Variants in NR2C1 observed in about 807,000 individuals in gnomAD.
The protein encoded by NR2C1 is TR2 nuclear hormone receptor.
A neutral mutation model predicts 74.8 loss-of-function variants in NR2C1; 33 were observed. The observed-to-expected ratio is 0.44, with a 90% CI of 0.33 to 0.59. NR2C1 has a LOEUF of 0.59. NR2C1 is among the 20% of genes least tolerant of loss of function. The probability of loss-of-function intolerance (pLI) is 0.02; values close to 1 mark genes in which losing one functional copy is unlikely to be tolerated. For missense variants in NR2C1, 568 were observed against 715.6 expected (o/e 0.79, Z 2.35); for synonymous variants, 225 against 240.6 (o/e 0.94, Z 0.60).
At chr12:95,072,943 G>T (rs1322723572) in intron 1 of NR2C1, 2 of 152,226 alleles carry the variant, frequency 1.3e-5, no homozygotes, top group African/African-American at 4.8e-5. Flanking sequence ...GCCGAGGGTC[G>T]GCCTCTCCCA....
intron 1 of NR2C1, chr12:95,072,978 C>T (rs566067544): frequency 6.6e-6 from 1 of 152,402 alleles, no homozygotes; most frequent in East Asian, 1.9e-4. Flanking sequence ...CGGCGTTAGC[C>T]GTGCGCCCTG....
intron 4 of NR2C1, 65 bp from the exon 5 acceptor site, chr12:95,058,554 C>T: frequency 7.8e-7 from 1 of 1,276,654 alleles, no homozygotes; most frequent in East Asian, 2.3e-5. Context: ...TGACATAAGC[C>T]AATTTCTTCC....
At position 95,072,359 on chromosome 12, in the gene NR2C1, C is replaced by T. The variant is rs554262732; in HGVS notation, c.-8+1021G>A. Among the ~76,000 whole-genome samples, 263 of 148,022 alleles carry T rather than the reference C, an allele frequency of 1.8e-3. 1 individual carries two copies. The highest frequency in any genetic ancestry group is 3.0e-3 in the Non-Finnish European group (201 of 67,592). ...ATCCCAGCTACTCGGGAGGCTGAGA[C>T]AGGAGAATCGCTTGAACCTGGAGGC... is the stretch of plus-strand genomic sequence containing the variant. On this transcript the variant is annotated intron_variant, in intron 1 of 13. Transcript: ENST00000333003.
chr12:95,058,805 T>A (rs1376508028), intron 4 of NR2C1, among the ~76,000 whole-genome samples: 1 of 152,106 alleles, frequency 6.6e-6, no homozygotes, highest in Non-Finnish European at 1.5e-5. Flanking sequence ...TATTATTATT[T>A]TTTTTTGTAG....
At chr12:95,053,568 T>C (rs1873348250) in intron 7 of NR2C1, among the ~76,000 whole-genome samples, 1 of 151,984 alleles carries the variant, frequency 6.6e-6, no homozygotes, top group Admixed American at 6.6e-5. Flanking sequence ...TGTAAATCCT[T>C]TCCCATCCTA....
intron 9 of NR2C1, among the ~76,000 whole-genome samples, chr12:95,040,835 A>G (rs997838379): frequency 6.6e-6 from 1 of 152,172 alleles, no homozygotes; most frequent in Non-Finnish European, 1.5e-5. Context: ...ACAAATATCA[A>G]CGATGATATT....
In NR2C1 at chr12:95,020,491, A is replaced by G. The variant is rs1256767835; in HGVS notation, c.*1738T>C. ...TATTATACTAAATGTAATTTAGCTG[A>G]TAATTATAAATAAAATTGTTGACTA... On this transcript the variant is annotated 3_prime_UTR_variant, in exon 14 of 14. Coordinates refer to ENST00000333003, the MANE Select transcript of NR2C1 (RefSeq NM_003297.4). 6.6e-6 allele frequency: 1 copy of G among 152,200 alleles called. No individual in the cohort carries two copies. Among genetic ancestry groups the G allele is most frequent in the Non-Finnish European group, 1.5e-5 (1 of 68,028 alleles). The allele number at this position is 152,200 out of a possible 1,614,324, so 9.4% of individuals were successfully genotyped here.
At chr12:95,061,207 A>G (rs1268479330) in intron 3 of NR2C1, among the ~76,000 whole-genome samples, 2 of 152,246 alleles carry the variant, frequency 1.3e-5, no homozygotes, top group African/African-American at 2.4e-5. Flanking sequence ...CTCAGGAGAC[A>G]TGTCAACTCA....
At chr12:95,043,395 AG>A (rs1802031719) in intron 9 of NR2C1, among the ~76,000 whole-genome samples, 1 of 152,152 alleles carries the variant, frequency 6.6e-6, no homozygotes, top group African/African-American at 2.4e-5. Flanking sequence ...ACAACAAAAA[AG>A]TCCTTTGTAA....
chr12:95,022,064 C>G lies in NR2C1; in HGVS notation c.*165G>C, dbSNP rs1868830844. 2 of 493,740 alleles carry G rather than the reference C, an allele frequency of 4.1e-6. No individual in the cohort carries two copies. The highest frequency in any genetic ancestry group is 4.0e-5 in the Admixed American group (1 of 25,096). 30.6% of individuals were successfully genotyped at this position (493,740 alleles called of 1,614,324 possible). On this transcript the variant is annotated 3_prime_UTR_variant, in exon 14 of 14. Coordinates refer to ENST00000333003, the MANE Select transcript of NR2C1 (RefSeq NM_003297.4). ...AATTCATTTAATTTCTGCTGCCTGC[C>G]CAGTCACTTCAAAAATTCTTAAGGG...
chr12:95,046,315 G>C (rs1021150677), intron 9 of NR2C1, among the ~76,000 whole-genome samples: 42 of 152,258 alleles, frequency 2.8e-4, no homozygotes, highest in African/African-American at 9.4e-4. Context: ...ACCAGGTATG[G>C]TGGGTTACAC....
At chr12:95,065,848 G>A (rs865937362) in intron 2 of NR2C1, among the ~76,000 whole-genome samples, 2 of 151,746 alleles carry the variant, frequency 1.3e-5, no homozygotes, top group Non-Finnish European at 2.9e-5. Context: ...TACTCAGGAG[G>A]CTGAGGCAGG....
chr12:95,025,368 T>G, intron 12 of NR2C1, 113 bp from the exon 13 acceptor site: 1 of 603,730 alleles, frequency 1.7e-6, no homozygotes, highest in Non-Finnish European at 2.8e-6. Context: ...TCATAAAATG[T>G]GTGGCTCAGG....
At chr12:95,030,304 G>C in intron 11 of NR2C1, 1 of 440,430 alleles carries the variant, frequency 2.3e-6, no homozygotes, top group East Asian at 5.3e-5. Flanking sequence ...ATATTGGTTG[G>C]GAAAAAATGA....
rs780473863 is a variant in NR2C1, at chr12:95,051,812, A to G, written c.915T>C (p.Asp305=). Residue 305 remains aspartate (D), a synonymous_variant, in exon 8 of 14, where the codon GAT becomes GAC. Coordinates refer to ENST00000333003, the MANE Select transcript of NR2C1 (RefSeq NM_003297.4). ...TTTCTTGAAATTCACACAAAGAGGT[A>G]TCATCATTGCTTAAGCTTTCAATCA... The part of the protein sequence containing the change: ...MSMIESLSND[D]TSLCEFQEMQ... 3.1e-6 allele frequency: 5 copies of G among 1,608,842 alleles called. No individual in the cohort carries two copies. Among genetic ancestry groups the G allele is most frequent in the Non-Finnish European group, 4.2e-6 (5 of 1,178,948 alleles).
At chr12:95,026,194 G>A (rs1044827592) in intron 12 of NR2C1, among the ~76,000 whole-genome samples, 5 of 149,002 alleles carry the variant, frequency 3.4e-5, no homozygotes, top group East Asian at 2.0e-4. Flanking sequence ...GCAACAGAGT[G>A]AGACTCCGTC....
chr12:95,022,204 G>A lies in NR2C1; in HGVS notation c.*25C>T. 1.9e-6 allele frequency: 3 copies of A among 1,574,812 alleles called. No individual in the cohort carries two copies. The highest frequency in any genetic ancestry group is 1.7e-6 in the Non-Finnish European group (2 of 1,164,384). ...TTGTGTTCTGGCAAAGAACAGTTAA[G>A]TTTACAGCACTGCAGTCACAGTTTT... On this transcript the variant is annotated 3_prime_UTR_variant, in exon 14 of 14. Transcript: ENST00000333003.
chr12:95,042,157 G>A (rs1222810589), intron 9 of NR2C1, among the ~76,000 whole-genome samples: 1 of 151,498 alleles, frequency 6.6e-6, no homozygotes, highest in Admixed American at 6.6e-5. Flanking sequence ...GTAGGTAGAT[G>A]TGTCCATATG....
Position 95,069,818 on chromosome 12 carries a change from C to CA in NR2C1, c.-7-2428dup, listed in dbSNP as rs1876319696. On this transcript the variant is annotated intron_variant, in intron 1 of 13. Coordinates refer to ENST00000333003, the MANE Select transcript of NR2C1 (RefSeq NM_003297.4). ...TGCATCCATCCATCCATCCAACACTCACTGCTGCTACTGCATGGGGATTCT... is the reference window on the plus strand; with the variant it reads ...TGCATCCATCCATCCATCCAACACTCAACTGCTGCTACTGCATGGGGATTCT... Among the ~76,000 whole-genome samples the CA allele has an allele frequency of 2.6e-5, 4 of 152,132 alleles. No individual in the cohort carries two copies. In the South Asian group the frequency reaches 8.3e-4, roughly 32 times the overall value.
Sources: gnomAD v4.1 joint callset for allele counts (sites outside exome capture counted in the v4.1 genomes callset) on GRCh38, gnomAD v4.1.1 for gene constraint, MANE v1.5 for transcripts, NCBI Gene and HGNC (gene_info 2026-07-23, HGNC 2026-07-21) for gene names.